TMEM248: variants seen among roughly 807,000 people sequenced by gnomAD.
The protein encoded by TMEM248 is transmembrane protein 248.
Under a neutral mutation model 30.3 loss-of-function variants are expected in TMEM248, and 9 were observed. That is an observed-to-expected ratio of 0.30 (90% CI 0.18 to 0.52). The LOEUF is 0.52. Ranked by LOEUF, TMEM248 falls within the 20% of genes least tolerant of loss-of-function variation. The pLI, the probability that TMEM248 is intolerant of heterozygous loss-of-function variation, is 0.97. For synonymous variants in TMEM248, 184 were observed against 154.4 expected (o/e 1.19, Z -1.42); for missense variants, 338 against 403.3 (o/e 0.84, Z 1.39).
Position 66,938,101 on chromosome 7 carries a change from G to GT in TMEM248, c.-18-3740dup, listed in dbSNP as rs547529566. 2.0e-4 allele frequency among the ~76,000 whole-genome samples: 30 copies of GT among 152,170 alleles called. No homozygotes were observed. The East Asian group carries it at 3.3e-3, about 17-fold the overall frequency. ...TGTAGGCAACACATCGTTGGATCTG[G>GT]TTTTTTTATTCATTCAGCCACTGTG... On this transcript the variant is annotated intron_variant, in intron 1 of 6. Transcript: ENST00000341567.
chr7:66,947,572 T>G (rs1459896110), intron 3 of TMEM248, among the ~76,000 whole-genome samples: 1 of 152,132 alleles, frequency 6.6e-6, no homozygotes, highest in East Asian at 1.9e-4. Flanking sequence ...CCAGCTAATT[T>G]TGTATTTTTA....
intron 1 of TMEM248, among the ~76,000 whole-genome samples, chr7:66,928,416 G>A (rs1034593336): frequency 1.3e-5 from 2 of 152,094 alleles, no homozygotes; most frequent in Non-Finnish European, 2.9e-5. Context: ...TTTGGGGTCA[G>A]ATGAATTAAG....
Position 66,951,207 on chromosome 7 carries a change from G to T in TMEM248, c.780+72G>T, listed in dbSNP as rs577587407. 190 of 1,415,972 alleles carry T rather than the reference G, an allele frequency of 1.3e-4. 1 individual carries two copies. The African/African-American group carries it at 2.6e-3, about 20-fold the overall frequency. 87.7% of individuals were successfully genotyped at this position (1,415,972 alleles called of 1,614,324 possible). On this transcript the variant is annotated intron_variant, in intron 5 of 6. Transcript: ENST00000341567. ...ACATGTGTGCGCATGTGCTGCAACC[G>T]TTGGTGTAGGCCCTGCTGACTTCCC...
chr7:66,940,205 C>T (rs113788032), intron 1 of TMEM248, among the ~76,000 whole-genome samples: 2 of 151,942 alleles, frequency 1.3e-5, no homozygotes, highest in African/African-American at 2.4e-5. Flanking sequence ...CCACCCGCCT[C>T]GGCCTCCCAA....
chr7:66,934,483 G>C (rs1791749867), intron 1 of TMEM248, among the ~76,000 whole-genome samples: 2 of 152,204 alleles, frequency 1.3e-5, no homozygotes, highest in African/African-American at 4.8e-5. Flanking sequence ...TTACAGGCGT[G>C]AACCACTGCG....
intron 1 of TMEM248, among the ~76,000 whole-genome samples, chr7:66,929,596 C>G (rs371577296): frequency 2.0e-5 from 3 of 151,722 alleles, no homozygotes; most frequent in African/African-American, 7.3e-5. Flanking sequence ...ACCGCCATGC[C>G]CAGCTAATTT....
rs1295807180 is a variant in TMEM248, at chr7:66,935,954, GT to G, written c.-18-5888del. Among the ~76,000 whole-genome samples, 3 of 152,200 alleles carry G rather than the reference GT, an allele frequency of 2.0e-5. No homozygotes were observed. The East Asian group carries it at 5.8e-4, about 29-fold the overall frequency. ...ACTGAAAATTGGTCTATCAGTTCTA[GT>G]TTTTTGATGGAGTATTTAGATTTAT... On this transcript the variant is annotated intron_variant, in intron 1 of 6. Coordinates refer to ENST00000341567, the MANE Select transcript of TMEM248 (RefSeq NM_017994.5).
Position 66,935,282 on chromosome 7 carries a change from C to T in TMEM248, c.-18-6566C>T, listed in dbSNP as rs1334500210. Among the ~76,000 whole-genome samples, 3 of 151,126 alleles carry T rather than the reference C, an allele frequency of 2.0e-5. No individual in the cohort carries two copies. The East Asian group carries it at 6.0e-4, about 30-fold the overall frequency. ...ACTGCAACCTCCACCTCCTGGGTTCCAGCAGCTCTCCTGCCTCAGCCTCCC... is the reference window on the plus strand; with the variant it reads ...ACTGCAACCTCCACCTCCTGGGTTCTAGCAGCTCTCCTGCCTCAGCCTCCC... On this transcript the variant is annotated intron_variant, in intron 1 of 6. Coordinates refer to ENST00000341567, the MANE Select transcript of TMEM248 (RefSeq NM_017994.5).
intron 5 of TMEM248, 75 bp downstream of exon 5, chr7:66,951,210 G>A: frequency 1.4e-6 from 2 of 1,391,552 alleles, no homozygotes; most frequent in South Asian, 1.7e-5. Flanking sequence ...TGCAACCGTT[G>A]GTGTAGGCCC....
chr7:66,933,286 C>T (rs1367135196), intron 1 of TMEM248, among the ~76,000 whole-genome samples: 1 of 152,234 alleles, frequency 6.6e-6, no homozygotes, highest in East Asian at 1.9e-4. Context: ...CCTCCTGCCT[C>T]AGCCCCCCAC....
chr7:66,931,950 G>A (rs1053916899), intron 1 of TMEM248, among the ~76,000 whole-genome samples: 57 of 151,182 alleles, frequency 3.8e-4, no homozygotes, highest in African/African-American at 1.3e-3. Context: ...GACTACAGGC[G>A]CCCGCCACCA....
chr7:66,941,925 G>A lies in TMEM248; in HGVS notation c.60G>A (p.Leu20=), dbSNP rs1482807110. The A allele has an allele frequency of 2.5e-6, 4 of 1,613,968 alleles. No homozygotes were observed. The highest frequency in any genetic ancestry group is 3.4e-6 in the Non-Finnish European group (4 of 1,180,010). ...LKVYISSRPP[L]VVFMISVSAM... is the part of the protein sequence containing the mutation. ...TGTACATCAGCAGTCGGCCTCCCCT[G>A]GTGGTCTTCATGATCAGCGTAAGCG... is the stretch of plus-strand genomic sequence containing the variant. The change falls in exon 2 of 7, where the codon CTG becomes CTA. Residue 20 remains leucine, a synonymous_variant. Coordinates refer to ENST00000341567, the MANE Select transcript of TMEM248 (RefSeq NM_017994.5).
chr7:66,922,436 C>T (rs530976744), intron 1 of TMEM248, among the ~76,000 whole-genome samples: 128 of 152,240 alleles, frequency 8.4e-4, no homozygotes, highest in African/African-American at 3.0e-3. Flanking sequence ...CTCTTTTCAT[C>T]TAGGGATTCT....
intron 3 of TMEM248, among the ~76,000 whole-genome samples, chr7:66,945,526 A>G (rs946384650): frequency 6.6e-6 from 1 of 152,238 alleles, no homozygotes; most frequent in African/African-American, 2.4e-5. Flanking sequence ...ACAAACATGT[A>G]ATTTTAATTC....
At chr7:66,942,132 G>T in intron 2 of TMEM248, 108 bp downstream of exon 2, 1 of 1,208,914 alleles carries the variant, frequency 8.3e-7, no homozygotes, top group Non-Finnish European at 1.2e-6. Context: ...CTCTCCTAGT[G>T]AGAAAAATCA....
chr7:66,926,801 G>T (rs902326750), intron 1 of TMEM248, among the ~76,000 whole-genome samples: 3 of 152,118 alleles, frequency 2.0e-5, no homozygotes, highest in Non-Finnish European at 4.4e-5. Context: ...TCTCATGTAC[G>T]AATCAAATAC....
rs1792056707 is a variant in TMEM248, at chr7:66,945,031, A to G, written c.215A>G (p.Asn72Ser). ...FNDLDLCVSE[N>S]ETLKHLTNDT... The stretch of plus-strand genomic sequence containing the variant: ...GATTTGGACTTGTGTGTATCAGAGA[A>G]TGAAACCCTCAAGCATCTCACAAAC... The change falls in exon 3 of 7, where the codon AAT (asparagine) becomes AGT (serine). Residue 72 changes from asparagine (N) to serine (S), a missense_variant. Coordinates refer to ENST00000341567, the MANE Select transcript of TMEM248 (RefSeq NM_017994.5). 1.2e-6 allele frequency: 2 copies of G among 1,614,246 alleles called. No individual in the cohort carries two copies. Among genetic ancestry groups the G allele is most frequent in the Non-Finnish European group, 1.7e-6 (2 of 1,180,048 alleles).
intron 1 of TMEM248, among the ~76,000 whole-genome samples, chr7:66,940,571 A>T (rs1791920828): frequency 6.6e-6 from 1 of 152,216 alleles, no homozygotes; most frequent in African/African-American, 2.4e-5. Context: ...CCTTGCAGAC[A>T]TTGACAAGAT....
chr7:66,942,786 G>T (rs748635212), intron 2 of TMEM248, among the ~76,000 whole-genome samples: 1 of 150,880 alleles, frequency 6.6e-6, no homozygotes, highest in African/African-American at 2.4e-5. Context: ...GTGAGCCACC[G>T]CATCCAGCCT....
Sources: gnomAD v4.1 joint callset for allele counts (sites outside exome capture counted in the v4.1 genomes callset) on GRCh38, gnomAD v4.1.1 for gene constraint, MANE v1.5 for transcripts, NCBI Gene and HGNC (gene_info 2026-07-23, HGNC 2026-07-21) for gene names.